The following EPHB2 variants were observed in gnomAD, a reference collection of about 807,000 sequenced individuals.
EPHB2 encodes ephrin type-B receptor 2.
EPHB2 carries 18 observed loss-of-function variants against 96.4 expected under a neutral mutation model. The observed-to-expected ratio is 0.19, with a 90% CI of 0.13 to 0.28. The LOEUF is 0.28. Among genes scored for constraint, EPHB2 ranks in the 10% least tolerant of loss-of-function variants. The pLI is 1.00. For synonymous variants in EPHB2, 506 were observed against 534.1 expected (o/e 0.95, Z 0.72); for missense variants, 989 against 1,355.4 (o/e 0.73, Z 4.25).
chr1:22,889,102 C>A (rs2765849), intron 6 of EPHB2, among the ~76,000 whole-genome samples: 18,935 of 152,126 alleles, frequency 0.12, 3,756 homozygotes, highest in African/African-American at 0.42. Context: ...CTGCAATGGG[C>A]CATAATCGCG....
At chr1:22,755,153 G>A (rs969125342) in intron 1 of EPHB2, among the ~76,000 whole-genome samples, 1 of 152,078 alleles carries the variant, frequency 6.6e-6, no homozygotes, top group Non-Finnish European at 1.5e-5. Flanking sequence ...TTGAAAAAGG[G>A]AAAATGTTCT....
At chr1:22,884,157 G>A (rs1639145994) in intron 6 of EPHB2, among the ~76,000 whole-genome samples, 1 of 152,218 alleles carries the variant, frequency 6.6e-6, no homozygotes, top group South Asian at 2.1e-4. Context: ...CATGGACACT[G>A]AAGGAATGAA....
Position 22,784,133 on chromosome 1 carries a change from C to A in EPHB2, c.127-259C>A, listed in dbSNP as rs990221064. 6.6e-6 allele frequency among the ~76,000 whole-genome samples: 1 copy of A among 152,184 alleles called. No homozygotes were observed. Among genetic ancestry groups the A allele is most frequent in the Non-Finnish European group, 1.5e-5 (1 of 68,030 alleles). On this transcript the variant is annotated intron_variant, in intron 2 of 15. Coordinates refer to ENST00000374630, the MANE Select transcript of EPHB2 (RefSeq NM_017449.5). This position sits in a 1 kb window ranked among gnomAD's most constrained non-coding sequence, Gnocchi z 5.1. Reference sequence around the variant, plus strand: ...CAGGTGGGAACTTCCTGGCCAGGGTCCCTGTCTCCTTTATCAGATTAGTGT... The same window carrying A: ...CAGGTGGGAACTTCCTGGCCAGGGTACCTGTCTCCTTTATCAGATTAGTGT...
intron 5 of EPHB2, among the ~76,000 whole-genome samples, chr1:22,867,796 T>C (rs1447191045): frequency 6.6e-6 from 1 of 152,078 alleles, no homozygotes; most frequent in Non-Finnish European, 1.5e-5. Flanking sequence ...CACTTGAACC[T>C]GGGAGGCAGA....
At chr1:22,873,459 A>G (rs1376036512) in intron 5 of EPHB2, among the ~76,000 whole-genome samples, 2 of 152,182 alleles carry the variant, frequency 1.3e-5, no homozygotes, top group African/African-American at 2.4e-5. Context: ...TGCTTATATC[A>G]TGTTGGCTTA....
At chr1:22,738,788 C>T (rs1041102525) in intron 1 of EPHB2, among the ~76,000 whole-genome samples, 2 of 152,120 alleles carry the variant, frequency 1.3e-5, no homozygotes, top group African/African-American at 4.8e-5. Context: ...GGAGGTGAGA[C>T]CTTGAGGTTG....
chr1:22,854,174 G>A, intron 3 of EPHB2, among the ~76,000 whole-genome samples: 1 of 152,176 alleles, frequency 6.6e-6, no homozygotes, highest in East Asian at 1.9e-4. Flanking sequence ...TTCATCAAGT[G>A]GGAAGGAGCT....
intron 1 of EPHB2, among the ~76,000 whole-genome samples, chr1:22,757,940 A>C: frequency 9.5e-6 from 1 of 105,296 alleles, no homozygotes; most frequent in Non-Finnish European, 1.7e-5. Flanking sequence ...TTTTTTTGAG[A>C]CGGAGTCTCG....
chr1:22,779,129 G>A (rs1241380353), intron 1 of EPHB2, among the ~76,000 whole-genome samples: 1 of 152,232 alleles, frequency 6.6e-6, no homozygotes. Flanking sequence ...TGAGGCCGAT[G>A]AGAGAAAACA....
chr1:22,725,832 A>C (rs1473099302), intron 1 of EPHB2, among the ~76,000 whole-genome samples: 2 of 152,164 alleles, frequency 1.3e-5, no homozygotes, highest in Non-Finnish European at 2.9e-5. Context: ...CCACCTTGAG[A>C]GCAGACTGAT....
At position 22,741,679 on chromosome 1, in the gene EPHB2, C is replaced by CAA. The variant is rs747438721; in HGVS notation, c.61+30644_61+30645dup. 6.5e-3 allele frequency among the ~76,000 whole-genome samples: 483 copies of CAA among 73,840 alleles called. 7 individuals are homozygous for CAA. The highest frequency in any genetic ancestry group is 0.035 in the Middle Eastern group (4 of 114). The allele number at this position is 73,840 out of a possible 152,430, so 48.4% of individuals were successfully genotyped here. A position where few individuals can be genotyped will look rare whatever the true frequency, so the allele number is the denominator to read the frequency against. ...CTTGACAGCCTGGTTTTCTTCCCAG[C>CAA]AAAAAAAAACAAAAAAACAAAAAAC... On this transcript the variant is annotated intron_variant, in intron 1 of 15. Transcript: ENST00000374630.
At chr1:22,830,411 C>T (rs565164682) in intron 3 of EPHB2, among the ~76,000 whole-genome samples, 7 of 152,184 alleles carry the variant, frequency 4.6e-5, no homozygotes, top group East Asian at 3.8e-4. Flanking sequence ...CCTGACTGGC[C>T]TCATATTGCT....
chr1:22,816,360 C>G (rs745822052), intron 3 of EPHB2, among the ~76,000 whole-genome samples: 1 of 152,270 alleles, frequency 6.6e-6, no homozygotes, highest in South Asian at 2.1e-4. Flanking sequence ...ACCCATGCCC[C>G]GTGGAAGTTT....
intron 2 of EPHB2, among the ~76,000 whole-genome samples, chr1:22,781,787 A>G (rs1429593436): frequency 7.2e-5 from 11 of 152,052 alleles, no homozygotes. Flanking sequence ...AAGAAAGTGA[A>G]CTGTCGTTTC....
chr1:22,898,647 G>A (rs1034954702), intron 9 of EPHB2, among the ~76,000 whole-genome samples: 16 of 152,202 alleles, frequency 1.1e-4, no homozygotes, highest in African/African-American at 3.4e-4. Context: ...TTCTCTGGCT[G>A]CTGTCTGGAG....
At chr1:22,832,104 G>A (rs567141934) in intron 3 of EPHB2, among the ~76,000 whole-genome samples, 6 of 152,242 alleles carry the variant, frequency 3.9e-5, no homozygotes, top group South Asian at 2.1e-4. Context: ...TAGGGAGAGC[G>A]ATGGAGAGCC....
intron 3 of EPHB2, among the ~76,000 whole-genome samples, chr1:22,788,746 TG>T (rs1644647542): frequency 1.3e-4 from 13 of 96,960 alleles, no homozygotes; most frequent in African/African-American, 4.1e-4. Context: ...TTTTGTCTTT[TG>T]TTTTTGTTTT....
At chr1:22,839,716 A>T (rs1645438343) in intron 3 of EPHB2, among the ~76,000 whole-genome samples, 1 of 152,224 alleles carries the variant, frequency 6.6e-6, no homozygotes, top group African/African-American at 2.4e-5. Flanking sequence ...GATGAAGGAC[A>T]TCTATGAACT....
rs556102702 is a variant in EPHB2 at position 22,733,849 on chromosome 1, G to A, written c.61+22806G>A. On this transcript the variant is annotated intron_variant, in intron 1 of 15. Transcript: ENST00000374630. The surrounding 1 kb of genome is among the most constrained non-coding windows in gnomAD (Gnocchi z 4.6). The stretch of plus-strand genomic sequence containing the variant: ...GTATGATTTGGTGGGGACAGAGCTA[G>A]AAGTTGAACCCGGGACTGGATTCTT... Among the ~76,000 whole-genome samples, 19 of 152,254 alleles carry A rather than the reference G, an allele frequency of 1.2e-4. No homozygotes were observed. The highest frequency in any genetic ancestry group is 4.3e-4 in the African/African-American group (18 of 41,540).
Sources: gnomAD v4.1 joint callset for allele counts (sites outside exome capture counted in the v4.1 genomes callset) on GRCh38, gnomAD v4.1.1 for gene constraint, Gnocchi (gnomAD v3.1) non-coding constraint, MANE v1.5 for transcripts, NCBI Gene and HGNC (gene_info 2026-07-23, HGNC 2026-07-21) for gene names.